The following KAZN variants were observed in gnomAD, a reference collection of about 807,000 sequenced individuals.
KAZN encodes the protein kazrin.
KAZN carries 40 observed loss-of-function variants against 87.4 expected under a neutral mutation model. That is an observed-to-expected ratio of 0.46 (90% CI 0.36 to 0.60). The LOEUF is 0.60. KAZN is among the 20% of genes least tolerant of loss of function. KAZN has a pLI of 0.00. For missense variants in KAZN, 898 were observed against 1,073.9 expected, an observed-to-expected ratio of 0.84 and a Z score of 2.29; for synonymous variants, 466 against 458.3, an observed-to-expected ratio of 1.02 and a Z score of -0.22.
intron 1 of KAZN, among the ~76,000 whole-genome samples, chr1:14,065,243 T>A (rs562033908): frequency 6.6e-6 from 1 of 152,176 alleles, no homozygotes; most frequent in Non-Finnish European, 1.5e-5. Context: ...TCAGGTCACA[T>A]GGACGGTGAA....
chr1:14,146,794 A>G (rs1645363181), intron 1 of KAZN, among the ~76,000 whole-genome samples: 1 of 151,480 alleles, frequency 6.6e-6, no homozygotes, highest in South Asian at 2.1e-4. Flanking sequence ...TTCCTTTGGA[A>G]CATTTTAGGA....
At chr1:14,580,185 G>A (rs997660033) in intron 2 of KAZN, among the ~76,000 whole-genome samples, 1 of 152,130 alleles carries the variant, frequency 6.6e-6, no homozygotes, top group Non-Finnish European at 1.5e-5. Context: ...TATCTTTAAA[G>A]TATATTGAGG....
At chr1:13,964,891 C>T (rs759912629) in intron 1 of KAZN, among the ~76,000 whole-genome samples, 32 of 152,278 alleles carry the variant, frequency 2.1e-4, no homozygotes, top group Admixed American at 1.4e-3. Flanking sequence ...AGGGAAAGCT[C>T]TCCCTGAGAA....
At chr1:14,401,646 T>C (rs1663418832) in intron 2 of KAZN, among the ~76,000 whole-genome samples, 1 of 152,018 alleles carries the variant, frequency 6.6e-6, no homozygotes, top group Non-Finnish European at 1.5e-5. Flanking sequence ...TGAAACCCCA[T>C]CTCTACAAAA....
chr1:14,256,400 GAGA>G (rs902680531), intron 2 of KAZN, among the ~76,000 whole-genome samples: 29 of 152,110 alleles, frequency 1.9e-4, no homozygotes, highest in African/African-American at 7.0e-4. Flanking sequence ...ATTCAAAGGA[GAGA>G]AGGAGAGAGG....
Position 14,122,053 on chromosome 1 carries a change from G to A in KAZN, c.92-58382G>A, listed in dbSNP as rs1407378358. ...AAGACTGGCCCCTGCAGGATTCTGAGCAAAGGAGAGATACAATCTGGCCGT... is the reference window on the plus strand; with the variant it reads ...AAGACTGGCCCCTGCAGGATTCTGAACAAAGGAGAGATACAATCTGGCCGT... On this transcript the variant is annotated intron_variant, in intron 1 of 16. Transcript: ENST00000636203. 2.0e-5 allele frequency among the ~76,000 whole-genome samples: 3 copies of A among 152,176 alleles called. No homozygotes were observed. The East Asian group carries it at 5.8e-4, about 29-fold the overall frequency.
intron 8 of KAZN, among the ~76,000 whole-genome samples, chr1:15,072,191 T>C (rs1639535431): frequency 6.6e-6 from 1 of 152,220 alleles, no homozygotes; most frequent in African/African-American, 2.4e-5. Flanking sequence ...AAATGAGAAC[T>C]GAATGTGTTT....
chr1:13,906,378 G>A (rs1475944595), intron 1 of KAZN, among the ~76,000 whole-genome samples: 1 of 152,168 alleles, frequency 6.6e-6, no homozygotes, highest in Non-Finnish European at 1.5e-5. Flanking sequence ...AGAGCCTCCT[G>A]GGGGCGGGCT....
intron 1 of KAZN, among the ~76,000 whole-genome samples, chr1:14,850,317 C>A (rs532987498): frequency 6.6e-6 from 1 of 152,194 alleles, no homozygotes; most frequent in East Asian, 1.9e-4. Flanking sequence ...ACTCATAAAC[C>A]AACATGACCT....
At chr1:14,958,486 A>C (rs570374464) in intron 1 of KAZN, among the ~76,000 whole-genome samples, 1 of 151,284 alleles carries the variant, frequency 6.6e-6, no homozygotes, top group African/African-American at 2.4e-5. Context: ...TCCTGTGTAC[A>C]TGGAGCACTT....
At chr1:14,527,924 C>A (rs78152580) in intron 2 of KAZN, among the ~76,000 whole-genome samples, 2 of 152,110 alleles carry the variant, frequency 1.3e-5, no homozygotes, top group African/African-American at 4.8e-5. Flanking sequence ...GACACATATC[C>A]AAACTATAGC....
chr1:13,902,293 G>A (rs1367363524), intron 1 of KAZN, among the ~76,000 whole-genome samples: 1 of 152,212 alleles, frequency 6.6e-6, no homozygotes, highest in Non-Finnish European at 1.5e-5. Flanking sequence ...TTTGAAACTG[G>A]CTTCCATGAT....
chr1:14,710,806 A>G (rs1347335258), intron 1 of KAZN, among the ~76,000 whole-genome samples: 1 of 152,210 alleles, frequency 6.6e-6, no homozygotes, highest in Non-Finnish European at 1.5e-5. Flanking sequence ...GTTCTGGGAC[A>G]GCGAGGTCTT....
intron 1 of KAZN, among the ~76,000 whole-genome samples, chr1:13,965,870 C>A (rs1641923633): frequency 6.6e-6 from 1 of 152,198 alleles, no homozygotes; most frequent in South Asian, 2.1e-4. Context: ...AGGAAGCTCT[C>A]ATGAGCCCTC....
chr1:15,017,191 A>C (rs1364463550), intron 2 of KAZN, among the ~76,000 whole-genome samples: 1 of 151,768 alleles, frequency 6.6e-6, no homozygotes, highest in Non-Finnish European at 1.5e-5. Context: ...CCAGTCAATC[A>C]GGAGGCTGAG....
At chr1:14,665,945 A>AAAT (rs1193714127) in intron 1 of KAZN, among the ~76,000 whole-genome samples, 10 of 151,942 alleles carry the variant, frequency 6.6e-5, no homozygotes, top group African/African-American at 2.2e-4. Context: ...AAAAAAAAAA[A>AAAT]AAAAAAAATA....
chr1:14,014,910 AT>A (rs1640492236), intron 1 of KAZN, among the ~76,000 whole-genome samples: 1 of 152,230 alleles, frequency 6.6e-6, no homozygotes, highest in South Asian at 2.1e-4. Flanking sequence ...TGTAGCCTCA[AT>A]GATACTAATA....
intron 4 of KAZN, among the ~76,000 whole-genome samples, chr1:15,055,055 T>C (rs1674805668): frequency 6.6e-6 from 1 of 152,252 alleles, no homozygotes; most frequent in Non-Finnish European, 1.5e-5. Flanking sequence ...GGCAAAACCT[T>C]GTGACAGGGA....
intron 1 of KAZN, among the ~76,000 whole-genome samples, chr1:14,616,545 A>G (rs779982633): frequency 2.0e-5 from 3 of 152,014 alleles, no homozygotes; most frequent in Non-Finnish European, 2.9e-5. Flanking sequence ...TGCTCCAAGC[A>G]ATGTAAATAA....
Sources: allele counts gnomAD v4.1 joint callset (sites outside exome capture counted in the v4.1 genomes callset), GRCh38; gene constraint gnomAD v4.1.1; transcripts MANE v1.5; gene names NCBI Gene and HGNC (gene_info 2026-07-23, HGNC 2026-07-21).